The following TANC1 variants were observed in gnomAD, a reference collection of about 807,000 sequenced individuals.
TANC1 encodes tetratricopeptide repeat, ankyrin repeat and coiled-coil containing 1.
In TANC1, 77 loss-of-function variants were observed where a neutral mutation model predicts 149.7. The observed-to-expected ratio is 0.51, with a 90% CI of 0.43 to 0.62. The LOEUF (loss-of-function observed/expected upper bound fraction) is 0.62, where lower values mean the gene tolerates loss of function less well. TANC1 is among the 20% of genes least tolerant of loss of function. The probability of loss-of-function intolerance (pLI) is 0.00; values close to 1 mark genes in which losing one functional copy is unlikely to be tolerated. For synonymous variants in TANC1, 854 were observed against 925.0 expected (o/e 0.92, Z 1.39); for missense variants, 1,985 against 2,321.8 (o/e 0.85, Z 2.98).
chr2:159,114,789 C>G (rs2150046844), intron 4 of TANC1, among the ~76,000 whole-genome samples: 1 of 152,354 alleles, frequency 6.6e-6, no homozygotes, highest in Non-Finnish European at 1.5e-5. Flanking sequence ...TCCCCCAGTT[C>G]TCCTGGACTT....
intron 24 of TANC1, 59 bp downstream of exon 24, chr2:159,225,838 G>A: frequency 8.0e-7 from 1 of 1,253,172 alleles, no homozygotes; most frequent in Non-Finnish European, 1.2e-6. Context: ...CCTCTTAATT[G>A]GGTACATAAT....
intron 1 of TANC1, among the ~76,000 whole-genome samples, chr2:158,992,804 G>GCCA (rs1559109861): frequency 6.6e-6 from 1 of 151,780 alleles, no homozygotes; most frequent in Non-Finnish European, 1.5e-5. Context: ...ACAGGCATGA[G>GCCA]CCACCGCTCC....
intron 19 of TANC1, among the ~76,000 whole-genome samples, chr2:159,216,744 G>A (rs993644895): frequency 7.2e-5 from 11 of 152,064 alleles, no homozygotes; most frequent in East Asian, 1.9e-4. Flanking sequence ...CTGGGCCAGC[G>A]TGTTCACTTG....
chr2:159,027,733 A>T (rs923375534), intron 2 of TANC1, among the ~76,000 whole-genome samples: 1 of 151,878 alleles, frequency 6.6e-6, no homozygotes, highest in East Asian at 1.9e-4. Context: ...CTTGGTACCA[A>T]TTTTCAGTCT....
Position 159,097,758 on chromosome 2 carries a change from G to A in TANC1, c.183G>A (p.Ser61=), listed in dbSNP as rs756020330. 1.7e-5 allele frequency: 28 copies of A among 1,613,920 alleles called. No individual in the cohort carries two copies. Among genetic ancestry groups the A allele is most frequent in the South Asian group, 2.2e-5 (2 of 91,076 alleles). The change falls in exon 4 of 27, where the codon TCG becomes TCA. Residue 61 remains serine (S), a synonymous_variant. Transcript: ENST00000263635. ...TYRVSLAKGV[S]MSLPSSPLLP... The stretch of plus-strand genomic sequence containing the variant: ...GGGTGAGCTTGGCCAAAGGTGTCTC[G>A]ATGTCTCTGCCTTCCTCACCTTTGC...
At chr2:159,192,955 T>C (rs1426202465) in intron 16 of TANC1, among the ~76,000 whole-genome samples, 1 of 152,256 alleles carries the variant, frequency 6.6e-6, no homozygotes, top group Non-Finnish European at 1.5e-5. Context: ...TGGCTATTTG[T>C]TTAGTTTTTA....
At chr2:159,185,508 C>G (rs2056887165) in intron 14 of TANC1, among the ~76,000 whole-genome samples, 1 of 152,204 alleles carries the variant, frequency 6.6e-6, no homozygotes, top group African/African-American at 2.4e-5. Context: ...TTGTCTACCC[C>G]TAGTGGTGGT....
intron 2 of TANC1, among the ~76,000 whole-genome samples, chr2:159,045,840 G>A (rs2040996333): frequency 6.6e-6 from 1 of 152,140 alleles, no homozygotes; most frequent in African/African-American, 2.4e-5. Flanking sequence ...AAAATTGCAT[G>A]CGATAGCATT....
intron 7 of TANC1, 171 bp downstream of exon 7, chr2:159,150,727 T>C: frequency 1.7e-6 from 1 of 576,930 alleles, no homozygotes; most frequent in Non-Finnish European, 3.1e-6. Context: ...GAGTGGAGCA[T>C]TGGCTTTTAC....
chr2:159,081,662 T>C (rs1293236148), intron 3 of TANC1, among the ~76,000 whole-genome samples: 1 of 152,230 alleles, frequency 6.6e-6, no homozygotes, highest in East Asian at 1.9e-4. Flanking sequence ...TATAGTTGTC[T>C]GTAACTTTGC....
In TANC1 at chr2:159,001,181, C is replaced by T. The variant is rs2036589218; in HGVS notation, c.-24C>T. 6.6e-6 allele frequency: 1 copy of T among 152,458 alleles called. No homozygotes were observed. 9.4% of individuals were successfully genotyped at this position (152,458 alleles called of 1,614,324 possible). ...CTTTTCCTGGTGCATGTGAAGTTAT[C>T]AAAAACAGGTAGGTGATGGCTGAGG... On this transcript the variant is annotated 5_prime_UTR_variant, in exon 2 of 27. Transcript: ENST00000263635. This position sits in a 1 kb window ranked among gnomAD's most constrained non-coding sequence, Gnocchi z 4.3.
chr2:159,071,388 G>T (rs2043142585), intron 3 of TANC1, among the ~76,000 whole-genome samples: 1 of 141,262 alleles, frequency 7.1e-6, no homozygotes, highest in South Asian at 2.2e-4. Flanking sequence ...GAAGCAACTT[G>T]TTAAAAAAAA....
At chr2:159,093,257 G>A (rs1402873564) in intron 3 of TANC1, among the ~76,000 whole-genome samples, 1 of 152,224 alleles carries the variant, frequency 6.6e-6, no homozygotes, top group Non-Finnish European at 1.5e-5. Context: ...GAATAAAATA[G>A]GTCATAGTTA....
chr2:159,037,134 T>C (rs554205835), intron 2 of TANC1, among the ~76,000 whole-genome samples: 1 of 152,358 alleles, frequency 6.6e-6, no homozygotes, highest in Non-Finnish European at 1.5e-5. Flanking sequence ...TTTTTTCATG[T>C]GTCTGTTGGC....
In TANC1 at chr2:159,149,201, C is replaced by T. The variant is rs2052497354; in HGVS notation, c.424C>T (p.Leu142=). The T allele has an allele frequency of 6.2e-7, 1 of 1,613,978 alleles. No individual in the cohort carries two copies. The highest frequency in any genetic ancestry group is 8.5e-7 in the Non-Finnish European group (1 of 1,179,888). ...SPAAQELLTR[L]GFLLGEGIPS... is the part of the protein sequence containing the mutation. ...GGCAGCTCAAGAACTGTTGACAAGG[C>T]TGGGATTTTTACTGGGAGAAGGGAT... Residue 142 remains leucine (L), a synonymous_variant, in exon 6 of 27, where the codon CTG becomes TTG. Coordinates refer to ENST00000263635, the MANE Select transcript of TANC1 (RefSeq NM_033394.3).
At chr2:159,010,824 G>A (rs2149374994) in intron 2 of TANC1, among the ~76,000 whole-genome samples, 1 of 150,128 alleles carries the variant, frequency 6.7e-6, no homozygotes. Context: ...ATCTAAAAAT[G>A]AAGGAAAGGT....
chr2:158,990,642 T>C (rs1043551616), intron 1 of TANC1, among the ~76,000 whole-genome samples: 1 of 152,030 alleles, frequency 6.6e-6, no homozygotes, highest in African/African-American at 2.4e-5. Flanking sequence ...GAGCAATGGA[T>C]GGAGTATTTA....
At chr2:159,041,821 A>G (rs1005723760) in intron 2 of TANC1, among the ~76,000 whole-genome samples, 2 of 152,126 alleles carry the variant, frequency 1.3e-5, no homozygotes, top group Non-Finnish European at 2.9e-5. Context: ...GCTGAGATGA[A>G]CCAGGCACCT....
intron 2 of TANC1, among the ~76,000 whole-genome samples, chr2:159,021,094 A>G (rs552889640): frequency 2.6e-3 from 392 of 152,312 alleles, no homozygotes; most frequent in Non-Finnish European, 4.8e-3. Context: ...AGATGCCTGG[A>G]GTTAACAGTT....
Sources: gnomAD v4.1 joint callset for allele counts (sites outside exome capture counted in the v4.1 genomes callset) on GRCh38, gnomAD v4.1.1 for gene constraint, Gnocchi (gnomAD v3.1) non-coding constraint, MANE v1.5 for transcripts, NCBI Gene and HGNC (gene_info 2026-07-23, HGNC 2026-07-21) for gene names.